The following ATG10 variants were observed in gnomAD, a reference collection of about 807,000 sequenced individuals.
The protein encoded by ATG10 is ubiquitin-like-conjugating enzyme ATG10.
Under a neutral mutation model 32.1 loss-of-function variants are expected in ATG10, and 30 were observed. The ratio of observed to expected loss-of-function variants is 0.94; its 90% CI spans 0.70 to 1.27. ATG10 has a LOEUF of 1.27. ATG10 is among the 50% of genes most tolerant of loss of function. The pLI is 0.00. For missense variants in ATG10, 233 were observed against 262.3 expected (o/e 0.89, Z 0.77); for synonymous variants, 87 against 91.5 (o/e 0.95, Z 0.28).
intron 3 of ATG10, chr5:82,073,833 T>C (rs1453693335): frequency 6.6e-6 from 1 of 152,174 alleles, no homozygotes; most frequent in Non-Finnish European, 1.5e-5. Context: ...AATAAGATGG[T>C]GGGAGCCAAA....
chr5:82,140,082 C>T (rs1407480456), intron 3 of ATG10, among the ~76,000 whole-genome samples: 4 of 140,170 alleles, frequency 2.9e-5, no homozygotes, highest in African/African-American at 1.1e-4. Context: ...GTCAGCCCTC[C>T]ACCCGGCCAG....
intron 5 of ATG10, among the ~76,000 whole-genome samples, chr5:82,234,133 C>T (rs555006590): frequency 3.9e-5 from 6 of 152,178 alleles, no homozygotes; most frequent in Admixed American, 1.3e-4. Context: ...ATTCTGTGTC[C>T]GGTGATACCT....
chr5:82,111,885 T>C (rs1421669068), intron 3 of ATG10, among the ~76,000 whole-genome samples: 1 of 152,036 alleles, frequency 6.6e-6, no homozygotes, highest in African/African-American at 2.4e-5. Context: ...TGATAGATGA[T>C]GGATATTTGT....
At chr5:81,975,328 A>G (rs991266045) in intron 1 of ATG10, among the ~76,000 whole-genome samples, 33 of 152,326 alleles carry the variant, frequency 2.2e-4, no homozygotes, top group Admixed American at 1.8e-3. Flanking sequence ...TGAAAAATAA[A>G]AAAATATTTG....
intron 3 of ATG10, among the ~76,000 whole-genome samples, chr5:82,082,872 G>C (rs1239423393): frequency 1.3e-5 from 2 of 152,150 alleles, no homozygotes; most frequent in Non-Finnish European, 2.9e-5. Flanking sequence ...AAATACTGGG[G>C]GGAAGGTTCC....
chr5:82,037,678 A>G (rs1365258783), intron 2 of ATG10, among the ~76,000 whole-genome samples: 2 of 152,186 alleles, frequency 1.3e-5, no homozygotes, highest in African/African-American at 4.8e-5. Flanking sequence ...TCTTTTCATC[A>G]GATTAAGAGA....
At chr5:82,152,237 AG>A (rs1182612058) in intron 3 of ATG10, among the ~76,000 whole-genome samples, 7 of 152,226 alleles carry the variant, frequency 4.6e-5, no homozygotes, top group East Asian at 3.8e-4. Flanking sequence ...ATGAAGAGAA[AG>A]GAAATTACCT....
chr5:82,209,521 C>T (rs752267155), intron 5 of ATG10, among the ~76,000 whole-genome samples: 49 of 152,194 alleles, frequency 3.2e-4, no homozygotes, highest in Middle Eastern at 3.4e-3. Context: ...TTAACAAGCA[C>T]CATGTGTGTT....
At chr5:82,122,384 A>G (rs1209923803) in intron 3 of ATG10, among the ~76,000 whole-genome samples, 1 of 152,182 alleles carries the variant, frequency 6.6e-6, no homozygotes, top group Non-Finnish European at 1.5e-5. Flanking sequence ...AGAGACTTAA[A>G]TGTGAAACCC....
intron 5 of ATG10, among the ~76,000 whole-genome samples, chr5:82,217,032 G>T (rs1581814002): frequency 6.8e-6 from 1 of 147,964 alleles, no homozygotes; most frequent in Non-Finnish European, 1.5e-5. Flanking sequence ...TCCAGCCTGG[G>T]TGACAGAGTG....
intron 3 of ATG10, among the ~76,000 whole-genome samples, chr5:82,162,854 T>C (rs2149898110): frequency 6.7e-6 from 1 of 149,582 alleles, no homozygotes; most frequent in East Asian, 2.0e-4. Flanking sequence ...GGAGGAGGTG[T>C]GTGTGTGTCT....
intron 2 of ATG10, among the ~76,000 whole-genome samples, chr5:82,046,570 C>T (rs573358422): frequency 6.6e-6 from 1 of 152,212 alleles, no homozygotes; most frequent in Non-Finnish European, 1.5e-5. Context: ...TTTTAAGCCA[C>T]CAGTTTGTGG....
chr5:82,151,390 C>A (rs1047618503), intron 3 of ATG10, among the ~76,000 whole-genome samples: 5 of 152,064 alleles, frequency 3.3e-5, no homozygotes, highest in African/African-American at 1.2e-4. Context: ...CTGGCATTGC[C>A]ACTCTATGCA....
chr5:82,117,746 C>T (rs1054298646), intron 3 of ATG10, among the ~76,000 whole-genome samples: 3 of 151,872 alleles, frequency 2.0e-5, no homozygotes, highest in Admixed American at 2.0e-4. Flanking sequence ...AGGAAGATCT[C>T]CGAGAATGAA....
chr5:81,990,319 C>A (rs555529136), intron 2 of ATG10, among the ~76,000 whole-genome samples: 1 of 152,042 alleles, frequency 6.6e-6, no homozygotes, highest in Non-Finnish European at 1.5e-5. Flanking sequence ...GCCTTTTCAC[C>A]AGTTTTTTTT....
At chr5:82,077,102 G>A (rs1433292446) in intron 3 of ATG10, among the ~76,000 whole-genome samples, 1 of 152,116 alleles carries the variant, frequency 6.6e-6, no homozygotes, top group Non-Finnish European at 1.5e-5. Context: ...GGCAGGCGAC[G>A]CTTCAGCTCA....
intron 2 of ATG10, among the ~76,000 whole-genome samples, chr5:82,043,541 A>G (rs1232632957): frequency 6.6e-6 from 1 of 152,180 alleles, no homozygotes; most frequent in Non-Finnish European, 1.5e-5. Context: ...TTCTACTGCA[A>G]TGGTTGGGCT....
At chr5:82,034,766 A>G (rs1328010258) in intron 2 of ATG10, among the ~76,000 whole-genome samples, 1 of 151,988 alleles carries the variant, frequency 6.6e-6, no homozygotes, top group Non-Finnish European at 1.5e-5. Context: ...AGATAGCTTT[A>G]TGACTTGCCC....
intron 5 of ATG10, among the ~76,000 whole-genome samples, chr5:82,219,366 G>A (rs1745828134): frequency 6.6e-6 from 1 of 152,166 alleles, no homozygotes; most frequent in Admixed American, 6.5e-5. Flanking sequence ...AGCATGCTAG[G>A]ATGGCGGTTC....
Sources: gnomAD v4.1 joint callset for allele counts (sites outside exome capture counted in the v4.1 genomes callset) on GRCh38, gnomAD v4.1.1 for gene constraint, MANE v1.5 for transcripts, NCBI Gene and HGNC (gene_info 2026-07-23, HGNC 2026-07-21) for gene names.